ZNF695: variants seen among roughly 807,000 people sequenced by gnomAD.
ZNF695 encodes zinc finger protein SBZF3.
ZNF695 carries 11 observed loss-of-function variants against 11.2 expected under a neutral mutation model. The ratio of observed to expected loss-of-function variants is 0.98; its 90% CI spans 0.62 to 1.62. The LOEUF is 1.62. Ranked by LOEUF, ZNF695 falls within the 40% of genes most tolerant of loss-of-function variation. The pLI, the probability that ZNF695 is intolerant of heterozygous loss-of-function variation, is 0.00. For missense variants in ZNF695, 559 were observed against 590.5 expected (o/e 0.95, Z 0.55); for synonymous variants, 190 against 201.4 (o/e 0.94, Z 0.48).
At chr1:246,954,076 A>C (rs567574784) in intron 5 of ZNF695, among the ~76,000 whole-genome samples, 205 of 152,328 alleles carry the variant, frequency 1.3e-3, no homozygotes, top group African/African-American at 4.7e-3. Flanking sequence ...TAAATCCTCA[A>C]GTCTTCCATT....
chr1:246,965,788 C>T (rs1280659824), intron 5 of ZNF695, among the ~76,000 whole-genome samples: 3 of 151,934 alleles, frequency 2.0e-5, no homozygotes, highest in Non-Finnish European at 4.4e-5. Context: ...TCTGCAGAGT[C>T]CCCACAGCAA....
chr1:246,976,505 A>G (rs1668559813), intron 4 of ZNF695, among the ~76,000 whole-genome samples: 1 of 152,110 alleles, frequency 6.6e-6, no homozygotes, highest in African/African-American at 2.4e-5. Context: ...AAAGGAGTAA[A>G]TTACACTGGC....
chr1:246,986,851 G>A lies in ZNF695; in HGVS notation c.*116C>T. On this transcript the variant is annotated 3_prime_UTR_variant, in exon 4 of 4. Transcript: ENST00000339986. ...ACTCAAAGGCTCATAGACTGTAAATGGCCTTTTGACAGTCATTACATTTGT... is the reference window on the plus strand; with the variant it reads ...ACTCAAAGGCTCATAGACTGTAAATAGCCTTTTGACAGTCATTACATTTGT... The A allele has an allele frequency of 1.4e-6, 2 of 1,448,012 alleles. No individual in the cohort carries two copies. The highest frequency in any genetic ancestry group is 1.8e-6 in the Non-Finnish European group (2 of 1,102,446). The allele number at this position is 1,448,012 out of a possible 1,614,324, so 89.7% of individuals were successfully genotyped here. A position where few individuals can be genotyped will look rare whatever the true frequency, so the allele number is the denominator to read the frequency against.
chr1:246,977,536 G>A (rs1279162640), intron 4 of ZNF695, among the ~76,000 whole-genome samples: 1 of 152,228 alleles, frequency 6.6e-6, no homozygotes, highest in Non-Finnish European at 1.5e-5. Flanking sequence ...ACAGGCATGA[G>A]CCACCACACC....
At chr1:246,976,365 A>G (rs992016238) in intron 4 of ZNF695, among the ~76,000 whole-genome samples, 11 of 152,238 alleles carry the variant, frequency 7.2e-5, no homozygotes, top group Non-Finnish European at 1.2e-4. Flanking sequence ...ATATCCCTGT[A>G]GGTATATGTG....
intron 1 of ZNF695, among the ~76,000 whole-genome samples, chr1:247,000,594 T>C (rs1372560740): frequency 2.6e-5 from 4 of 152,232 alleles, no homozygotes; most frequent in Admixed American, 2.6e-4. Context: ...TTAAGATCCA[T>C]GAAACCAGTG....
intron 5 of ZNF695, among the ~76,000 whole-genome samples, chr1:246,962,393 G>A (rs1668183978): frequency 6.6e-6 from 1 of 152,212 alleles, no homozygotes; most frequent in Admixed American, 6.5e-5. Flanking sequence ...AAGAAGTCTG[G>A]TGGTCGTCCT....
intron 5 of ZNF695, among the ~76,000 whole-genome samples, chr1:246,957,279 A>G (rs993186381): frequency 1.3e-5 from 2 of 151,832 alleles, no homozygotes; most frequent in African/African-American, 4.8e-5. Flanking sequence ...GCTACTCGGG[A>G]GGCTGAGGCA....
chr1:246,946,265 C>T (rs574613726), intron 5 of ZNF695, among the ~76,000 whole-genome samples: 11 of 152,086 alleles, frequency 7.2e-5, no homozygotes, highest in Non-Finnish European at 1.5e-4. Context: ...TATGACAGAG[C>T]GTCTTCTATC....
chr1:246,979,055 T>C (rs1668637917), intron 4 of ZNF695, among the ~76,000 whole-genome samples: 1 of 152,202 alleles, frequency 6.6e-6, no homozygotes, highest in Non-Finnish European at 1.5e-5. Context: ...GTTCAAAGTC[T>C]ACAACAGTCA....
intron 5 of ZNF695, among the ~76,000 whole-genome samples, chr1:246,946,874 G>A (rs1459965981): frequency 6.6e-6 from 1 of 152,180 alleles, no homozygotes; most frequent in Non-Finnish European, 1.5e-5. Flanking sequence ...GTGCGCGGTG[G>A]CACACGCCTG....
intron 4 of ZNF695, among the ~76,000 whole-genome samples, chr1:246,972,590 G>A (rs1668454496): frequency 6.6e-6 from 1 of 152,052 alleles, no homozygotes; most frequent in Non-Finnish European, 1.5e-5. Flanking sequence ...GCGTGATCTC[G>A]GCTCGCTGCA....
At chr1:246,998,977 AATATATATATATATATATATAT>A (rs6143721) in intron 3 of ZNF695, among the ~76,000 whole-genome samples, 44 of 144,076 alleles carry the variant, frequency 3.1e-4, no homozygotes, top group Admixed American at 9.0e-4. Context: ...CAAGAAAACA[AATATATATATATATATATATAT>A]ATATATATAT....
intron 5 of ZNF695, chr1:246,966,707 C>A: frequency 4.4e-6 from 2 of 450,962 alleles, no homozygotes; most frequent in Non-Finnish European, 8.9e-6. Flanking sequence ...ATCGCTTGAC[C>A]CTGGGAGTTC....
rs190361799 is a variant in ZNF695 at position 247,001,695 on chromosome 1, A to C, written c.4-1621T>G. Among the ~76,000 whole-genome samples the C allele has an allele frequency of 2.3e-3, 337 of 144,344 alleles. 1 individual carries two copies. Among genetic ancestry groups the C allele is most frequent in the Admixed American group, 3.5e-3 (50 of 14,204 alleles). The allele number at this position is 144,344 out of a possible 152,430, so 94.7% of individuals were successfully genotyped here. ...GCCACTGCACTCCAGCCTGGGCAACAGAGCAAGACTTCGTCTCAAAAAAAA... is the reference window on the plus strand; with the variant it reads ...GCCACTGCACTCCAGCCTGGGCAACCGAGCAAGACTTCGTCTCAAAAAAAA... On this transcript the variant is annotated intron_variant, in intron 1 of 3. Transcript: ENST00000339986.
intron 3 of ZNF695, among the ~76,000 whole-genome samples, chr1:246,998,762 T>C (rs1157147494): frequency 6.6e-6 from 1 of 152,182 alleles, no homozygotes; most frequent in African/African-American, 2.4e-5. Flanking sequence ...GGTCAGGAGA[T>C]TGAGACCATA....
chr1:246,999,311 AC>A (rs3833603), intron 3 of ZNF695, 36 bp downstream of exon 3: 68,898 of 1,527,052 alleles, frequency 0.045, 1,970 homozygotes, highest in South Asian at 0.11. Context: ...TGATCCTTCA[AC>A]CCCTACCTGT....
chr1:246,972,993 T>C (rs1668467029), intron 4 of ZNF695, among the ~76,000 whole-genome samples: 1 of 149,402 alleles, frequency 6.7e-6, no homozygotes, highest in Non-Finnish European at 1.5e-5. Context: ...TCACACACAT[T>C]AAATCAAACA....
intron 5 of ZNF695, among the ~76,000 whole-genome samples, chr1:246,958,305 T>A (rs552970466): frequency 6.6e-6 from 1 of 151,872 alleles, no homozygotes; most frequent in East Asian, 2.0e-4. Flanking sequence ...TGATCTGCCC[T>A]CCTCGGCCTC....
Sources: allele counts gnomAD v4.1 joint callset (sites outside exome capture counted in the v4.1 genomes callset), GRCh38; gene constraint gnomAD v4.1.1; transcripts MANE v1.5; gene names NCBI Gene and HGNC (gene_info 2026-07-23, HGNC 2026-07-21).